Variants in ZNF740 observed in about 807,000 individuals in gnomAD.
The protein encoded by ZNF740 is oriLyt TD-element-binding protein 7.
Under a neutral mutation model 24.8 loss-of-function variants are expected in ZNF740, and 14 were observed. That is an observed-to-expected ratio of 0.56 (90% confidence interval 0.37 to 0.88). The LOEUF (loss-of-function observed/expected upper bound fraction) is 0.88. Ranked by LOEUF, ZNF740 falls within the 40% of genes least tolerant of loss-of-function variation. The pLI is 0.00. For missense variants in ZNF740, 201 were observed against 247.9 expected, an observed-to-expected ratio of 0.81 and a Z score of 1.27; for synonymous variants, 69 against 84.0, an observed-to-expected ratio of 0.82 and a Z score of 0.98.
At chr12:53,187,400 G>A (rs1364881609) in intron 6 of ZNF740, 101 bp from the exon 7 acceptor site, 6 of 933,686 alleles carry the variant, frequency 6.4e-6, no homozygotes, top group Non-Finnish European at 8.5e-6. Flanking sequence ...ACGTGCTGAG[G>A]GGATGGAGAA....
In ZNF740 at chr12:53,188,753, G is replaced by A. The variant is rs1565693547; in HGVS notation, c.*1163G>A. 6.6e-6 allele frequency: 1 copy of A among 152,220 alleles called. No individual in the cohort carries two copies. The highest frequency in any genetic ancestry group is 2.4e-5 in the African/African-American group (1 of 41,428). 9.4% of individuals were successfully genotyped at this position (152,220 alleles called of 1,614,324 possible). A position where few individuals can be genotyped will look rare whatever the true frequency, so the allele number is the denominator to read the frequency against. ...GATGGCCATCCCTACCCAACAGAGT[G>A]TGGGGGATGGGGGTGGGGGTGCTGC... On this transcript the variant is annotated 3_prime_UTR_variant, in exon 7 of 7. Coordinates refer to ENST00000416904, the MANE Select transcript of ZNF740 (RefSeq NM_001004304.4).
Position 53,185,434 on chromosome 12 carries a change from C to G in ZNF740, c.207C>G (p.Asp69Glu). ...SDKSRSRKDD[D>E]SLSEASHSKK... ...AGTCCCGGAGCCGCAAAGATGATGA[C>G]AGCTTGTCTGAGGCCTCTCATTCAA... The change falls in exon 4 of 7, where the codon GAC (aspartate) becomes GAG (glutamate). Residue 69 changes from aspartate to glutamate, a missense_variant. Transcript: ENST00000416904. 1 of 1,614,028 alleles carries G rather than the reference C, an allele frequency of 6.2e-7. No individual in the cohort carries two copies. Among genetic ancestry groups the G allele is most frequent in the Non-Finnish European group, 8.5e-7 (1 of 1,179,904 alleles).
chr12:53,193,738 CCAT>C lies in ZNF740; in HGVS notation c.*6151_*6153del, dbSNP rs1942056296. ...TACACCACATTGTAGGTGTCCCTGG[CCAT>C]CACTGCAGTGGGGAGCCTGGGGCTG... On this transcript the variant is annotated 3_prime_UTR_variant, in exon 7 of 7. Coordinates refer to ENST00000416904, the MANE Select transcript of ZNF740 (RefSeq NM_001004304.4). 6.2e-7 allele frequency: 1 copy of C among 1,613,382 alleles called. No individual in the cohort carries two copies. Among genetic ancestry groups the C allele is most frequent in the African/African-American group, 1.3e-5 (1 of 74,876 alleles).
chr12:53,181,139 A>C (rs1224841209), intron 1 of ZNF740: 11 of 980,782 alleles, frequency 1.1e-5, no homozygotes, highest in African/African-American at 1.0e-4. Context: ...CAGCGGGTGC[A>C]GAGGCTGGCT....
chr12:53,187,579 T>C lies in ZNF740; in HGVS notation c.571T>C (p.Phe191Leu). The C allele has an allele frequency of 6.2e-7, 1 of 1,613,804 alleles. No homozygotes were observed. The highest frequency in any genetic ancestry group is 8.5e-7 in the Non-Finnish European group (1 of 1,179,802). ...GCQSKTSDGQ[F>L]SL ...CCAGTCCAAGACTTCCGACGGGCAG[T>C]TTTCTCTATAGGCGCAAGGGGCCCC... The change falls in exon 7 of 7, where the codon TTT becomes CTT. Residue 191 changes from phenylalanine (F) to leucine (L), a missense_variant. Phe to Leu is a conservative substitution (Grantham distance 22). Transcript: ENST00000416904.
At chr12:53,180,860 G>C (rs980774884) in intron 1 of ZNF740, 23 bp downstream of exon 1, 1 of 1,255,898 alleles carries the variant, frequency 8.0e-7, no homozygotes. Context: ...CCCAAAGACC[G>C]CAGCGTCGTC....
At chr12:53,184,259 G>T (rs1941779216) in intron 2 of ZNF740, among the ~76,000 whole-genome samples, 1 of 150,718 alleles carries the variant, frequency 6.6e-6, no homozygotes, top group Admixed American at 6.6e-5. Context: ...CGCGATTTCG[G>T]CTCACTGCAG....
rs1230267516 is a variant in ZNF740, at chr12:53,180,811, G to A, written c.-334G>A. 3 of 1,272,148 alleles carry A rather than the reference G, an allele frequency of 2.4e-6. No individual in the cohort carries two copies. Among genetic ancestry groups the A allele is most frequent in the Admixed American group, 2.4e-5 (1 of 42,160 alleles). 78.8% of individuals were successfully genotyped at this position (1,272,148 alleles called of 1,614,324 possible). A position where few individuals can be genotyped will look rare whatever the true frequency, so the allele number is the denominator to read the frequency against. ...CTGGAGGAGGCGCCGCGCGGCCAGG[G>A]AGCCAGCGGGAGGCCGCGCCTGGCA... On this transcript the variant is annotated 5_prime_UTR_variant, in exon 1 of 7. Coordinates refer to ENST00000416904, the MANE Select transcript of ZNF740 (RefSeq NM_001004304.4).
chr12:53,184,200 T>A (rs1416081585), intron 2 of ZNF740, among the ~76,000 whole-genome samples: 8 of 142,354 alleles, frequency 5.6e-5, no homozygotes, highest in African/African-American at 1.1e-4. Flanking sequence ...TGTGTGTGTG[T>A]GAGTGACGGA....
Position 53,191,386 on chromosome 12 carries a change from A to G in ZNF740, c.*3796A>G, listed in dbSNP as rs146038638. On this transcript the variant is annotated 3_prime_UTR_variant, in exon 7 of 7. Transcript: ENST00000416904. ...CCCAGATGGATGCAAGGTTGCAGGC[A>G]TGGGAAGCAGCCCTCTTGGGTGTCA... 9.6e-4 allele frequency: 617 copies of G among 640,354 alleles called. 3 individuals are homozygous for G. The African/African-American group carries it at 0.01, about 10-fold the overall frequency. 39.7% of individuals were successfully genotyped at this position (640,354 alleles called of 1,614,324 possible).
chr12:53,186,680 A>G, intron 6 of ZNF740, 171 bp downstream of exon 6: 1 of 555,116 alleles, frequency 1.8e-6, no homozygotes, highest in South Asian at 2.3e-5. Context: ...CATGGGGAGC[A>G]GCAATTAGAA....
At chr12:53,187,073 T>C (rs1197991776) in intron 6 of ZNF740, among the ~76,000 whole-genome samples, 5 of 152,226 alleles carry the variant, frequency 3.3e-5, no homozygotes, top group Admixed American at 3.3e-4. Context: ...CAAGCTTTGC[T>C]CTGCACTCTT....
intron 2 of ZNF740, 91 bp downstream of exon 2, chr12:53,182,083 A>T: frequency 6.5e-7 from 1 of 1,528,558 alleles, no homozygotes. Flanking sequence ...ATATTGACCA[A>T]CCCCAGTGAT....
rs1037380873 is a variant in ZNF740 at position 53,180,766 on chromosome 12, T to C, written c.-379T>C. 9.4e-6 allele frequency: 12 copies of C among 1,271,452 alleles called. No individual in the cohort carries two copies. In the African/African-American group the frequency reaches 1.9e-4, roughly 20 times the overall value. 78.8% of individuals were successfully genotyped at this position (1,271,452 alleles called of 1,614,324 possible). A position where few individuals can be genotyped will look rare whatever the true frequency, so the allele number is the denominator to read the frequency against. On this transcript the variant is annotated 5_prime_UTR_variant, in exon 1 of 7. Transcript: ENST00000416904. ...GGTGGGGGCAGCCGCGGCGGTGGGG[T>C]TGGCAGGGTGTGCTGGGGCCTGGAG... is the stretch of plus-strand genomic sequence containing the variant.
chr12:53,192,440 A>C lies in ZNF740; in HGVS notation c.*4850A>C, dbSNP rs1284477472. 6.2e-7 allele frequency: 1 copy of C among 1,613,960 alleles called. No individual in the cohort carries two copies. Among genetic ancestry groups the C allele is most frequent in the Non-Finnish European group, 8.5e-7 (1 of 1,180,040 alleles). ...CTCTTTGCACCAGCCATCATCCAAG[A>C]TAGGGGCCAAGGCCAGGGTCACATT... On this transcript the variant is annotated 3_prime_UTR_variant, in exon 7 of 7. Coordinates refer to ENST00000416904, the MANE Select transcript of ZNF740 (RefSeq NM_001004304.4).
rs772447440 is a variant in ZNF740 at position 53,193,299 on chromosome 12, G to C, written c.*5709G>C. On this transcript the variant is annotated 3_prime_UTR_variant, in exon 7 of 7. Coordinates refer to ENST00000416904, the MANE Select transcript of ZNF740 (RefSeq NM_001004304.4). Reference sequence around the variant, plus strand: ...TTGGGAGCCCGGCACCCAGATTCCAGGTCTGGGGAGGACAGCTCTGCCACA... The same window carrying C: ...TTGGGAGCCCGGCACCCAGATTCCACGTCTGGGGAGGACAGCTCTGCCACA... 1.2e-6 allele frequency: 2 copies of C among 1,612,162 alleles called. No individual in the cohort carries two copies. The highest frequency in any genetic ancestry group is 1.7e-6 in the Non-Finnish European group (2 of 1,178,464).
intron 4 of ZNF740, 124 bp from the exon 5 acceptor site, chr12:53,185,829 CA>C: frequency 1.5e-6 from 2 of 1,310,778 alleles, no homozygotes; most frequent in Non-Finnish European, 1.0e-6. Context: ...CAGGAGATGG[CA>C]GCACCTTTAG....
At position 53,192,744 on chromosome 12, in the gene ZNF740, A is replaced by G. The variant is rs147581096; in HGVS notation, c.*5154A>G. On this transcript the variant is annotated 3_prime_UTR_variant, in exon 7 of 7. Coordinates refer to ENST00000416904, the MANE Select transcript of ZNF740 (RefSeq NM_001004304.4). ...CTGGGCATTGGTCGCATAGAGCACC[A>G]TAGTAGCCGTCCAAGCACTGGCAGC... 186 of 1,614,220 alleles carry G rather than the reference A, an allele frequency of 1.2e-4. No homozygotes were observed. In the African/African-American group the frequency reaches 2.1e-3, roughly 19 times the overall value.
Position 53,193,510 on chromosome 12 carries a change from A to C in ZNF740, c.*5920A>C. ...GGATGTTAAGTATAGTGAAACACTG[A>C]GGGGTGAGAGAGTGGAGGGAGCCCC... On this transcript the variant is annotated 3_prime_UTR_variant, in exon 7 of 7. Coordinates refer to ENST00000416904, the MANE Select transcript of ZNF740 (RefSeq NM_001004304.4). 1.3e-6 allele frequency: 1 copy of C among 746,364 alleles called. No homozygotes were observed. Among genetic ancestry groups the C allele is most frequent in the African/African-American group, 1.8e-5 (1 of 56,534 alleles). 46.2% of individuals were successfully genotyped at this position (746,364 alleles called of 1,614,324 possible). A position where few individuals can be genotyped will look rare whatever the true frequency, so the allele number is the denominator to read the frequency against.
Sources: gnomAD v4.1 joint callset for allele counts (sites outside exome capture counted in the v4.1 genomes callset) on GRCh38, gnomAD v4.1.1 for gene constraint, MANE v1.5 for transcripts, NCBI Gene and HGNC (gene_info 2026-07-23, HGNC 2026-07-21) for gene names.